GRIK1: variants seen among roughly 807,000 people sequenced by gnomAD.
The protein encoded by GRIK1 is glutamate receptor ionotropic, kainate 1.
Under a neutral mutation model 105.7 loss-of-function variants are expected in GRIK1, and 69 were observed. That is an observed-to-expected ratio of 0.65 (90% CI 0.54 to 0.80). GRIK1 has a LOEUF of 0.80. Among genes scored for constraint, GRIK1 ranks in the 30% least tolerant of loss-of-function variants. The probability of loss-of-function intolerance (pLI) is 0.00; values close to 1 mark genes in which losing one functional copy is unlikely to be tolerated. For synonymous variants in GRIK1, 438 were observed against 431.3 expected (o/e 1.02, Z -0.19); for missense variants, 1,109 against 1,167.3 (o/e 0.95, Z 0.73).
chr21:29,568,066 A>G (rs1290092727), intron 14 of GRIK1, among the ~76,000 whole-genome samples: 1 of 152,200 alleles, frequency 6.6e-6, no homozygotes, highest in African/African-American at 2.4e-5. Flanking sequence ...CAGATTTGCT[A>G]AAATATTTTT....
intron 1 of GRIK1, among the ~76,000 whole-genome samples, chr21:29,929,116 G>A (rs1215616687): frequency 6.6e-6 from 1 of 152,032 alleles, no homozygotes. Context: ...ACTGCAGAGG[G>A]GATTACAGAT....
intron 4 of GRIK1, among the ~76,000 whole-genome samples, chr21:29,657,031 G>A (rs2062867879): frequency 6.6e-6 from 1 of 152,160 alleles, no homozygotes; most frequent in South Asian, 2.1e-4. Context: ...GGCCATGCAT[G>A]GTGAGGTCTT....
intron 1 of GRIK1, among the ~76,000 whole-genome samples, chr21:29,814,479 C>A (rs1294109759): frequency 6.6e-6 from 1 of 152,048 alleles, no homozygotes; most frequent in East Asian, 1.9e-4. Flanking sequence ...ACAGAGGCAG[C>A]TGCACCATTT....
chr21:29,706,298 A>G (rs1368992062), intron 1 of GRIK1, among the ~76,000 whole-genome samples: 3 of 152,244 alleles, frequency 2.0e-5, no homozygotes, highest in African/African-American at 7.2e-5. Context: ...TGATTTAAAT[A>G]ATTGTACAAA....
chr21:29,684,602 G>C (rs1372796041), intron 3 of GRIK1, among the ~76,000 whole-genome samples: 1 of 152,018 alleles, frequency 6.6e-6, no homozygotes, highest in Non-Finnish European at 1.5e-5. Context: ...CCGCCTCCTG[G>C]GTTCATGCCA....
chr21:29,543,003 A>G (rs375883156), intron 16 of GRIK1, among the ~76,000 whole-genome samples: 1 of 152,226 alleles, frequency 6.6e-6, no homozygotes, highest in East Asian at 1.9e-4. Context: ...GACCTACCAT[A>G]AGTTGAAAGC....
chr21:29,813,541 C>T (rs1264796398), intron 1 of GRIK1, among the ~76,000 whole-genome samples: 1 of 152,022 alleles, frequency 6.6e-6, no homozygotes, highest in Non-Finnish European at 1.5e-5. Flanking sequence ...CAATATAGAA[C>T]ATTAAATTTC....
At chr21:29,560,523 T>TTC (rs2090437610) in intron 15 of GRIK1, among the ~76,000 whole-genome samples, 6 of 72,478 alleles carry the variant, frequency 8.3e-5, no homozygotes, top group South Asian at 4.7e-4. Flanking sequence ...TTCCTTCCTT[T>TTC]CTTTCTTTCT....
chr21:29,735,038 C>T (rs1211916391), intron 1 of GRIK1, among the ~76,000 whole-genome samples: 2 of 152,152 alleles, frequency 1.3e-5, no homozygotes, highest in African/African-American at 4.8e-5. Flanking sequence ...CTCTAGACTG[C>T]CTGTTTTCTT....
At chr21:29,571,978 C>T (rs1421321306) in intron 14 of GRIK1, among the ~76,000 whole-genome samples, 2 of 152,092 alleles carry the variant, frequency 1.3e-5, no homozygotes, top group Non-Finnish European at 2.9e-5. Flanking sequence ...AGGTAGTTTC[C>T]TTATTCATTC....
In GRIK1 at chr21:29,591,208, G is replaced by A. The variant is rs1284663444; in HGVS notation, c.1269C>T (p.Ser423=). The A allele has an allele frequency of 3.1e-6, 5 of 1,600,854 alleles. No homozygotes were observed. The highest frequency in any genetic ancestry group is 4.3e-6 in the Non-Finnish European group (5 of 1,169,380). Residue 423 remains serine, a synonymous_variant, in exon 10 of 18, where the codon TCC becomes TCT. Transcript: ENST00000327783. ...TGTCCGTCATGTTAAGCCCACTGTT[G>A]GAATTCCAAATCCCAATCTACACAG... ...KVWKKIGIWN[S]NSGLNMTDSN... is the part of the protein sequence containing the mutation.
At chr21:29,668,870 G>A (rs903421253) in intron 4 of GRIK1, among the ~76,000 whole-genome samples, 2 of 152,342 alleles carry the variant, frequency 1.3e-5, no homozygotes, top group Non-Finnish European at 1.5e-5. Context: ...TTGGGGAAAT[G>A]AGAGTGAGGA....
intron 15 of GRIK1, among the ~76,000 whole-genome samples, chr21:29,556,131 C>T (rs1430948632): frequency 6.6e-6 from 1 of 152,142 alleles, no homozygotes; most frequent in Non-Finnish European, 1.5e-5. Context: ...ACGTATAGAA[C>T]CTAATTATAA....
At position 29,598,876 on chromosome 21, in the gene GRIK1, T is replaced by A; in HGVS notation, c.1160A>T (p.Asp387Val). The change falls in exon 8 of 18, where the codon GAT becomes GTT. Residue 387 changes from aspartate (D) to valine (V), a missense_variant. By Grantham distance (152) the Asp-to-Val change is radical (BLOSUM62 -3). Around this residue, in one of 5 missense-constraint regions of GRIK1, gnomAD observed 612 missense variants for 586.0 expected, o/e 1.04. Transcript: ENST00000327783. ...TFNKTNGLRKDFDLDIISLKE... is the reference protein window; with the variant it reads ...TFNKTNGLRKVFDLDIISLKE... ...GAGACTAATAATGTCCAGATCAAAATCCTTCCTCAAGCCATTGGTTTTATT... is the reference window on the plus strand; with the variant it reads ...GAGACTAATAATGTCCAGATCAAAAACCTTCCTCAAGCCATTGGTTTTATT... 2 of 1,597,392 alleles carry A rather than the reference T, an allele frequency of 1.3e-6. No homozygotes were observed. Among genetic ancestry groups the A allele is most frequent in the Non-Finnish European group, 1.7e-6 (2 of 1,167,140 alleles).
At chr21:29,582,339 C>A (rs1433275548) in intron 12 of GRIK1, 1 of 470,678 alleles carries the variant, frequency 2.1e-6, no homozygotes, top group East Asian at 6.9e-5. Context: ...ACTTAATCAG[C>A]AACCCTGGTT....
rs2066342724 is a variant in GRIK1, at chr21:29,789,132, TC to T, written c.119-95070del. On this transcript the variant is annotated intron_variant, in intron 1 of 17. Coordinates refer to ENST00000327783, the MANE Select transcript of GRIK1 (RefSeq NM_001330994.2). ...TTAATATCAGCAATGATGAAAGAAA[TC>T]CCTGTACTCTTTGTCTTATTAGAAA... is the stretch of plus-strand genomic sequence containing the variant. Among the ~76,000 whole-genome samples the T allele has an allele frequency of 6.6e-5, 10 of 152,278 alleles. No homozygotes were observed. The South Asian group carries it at 2.1e-3, about 32-fold the overall frequency.
chr21:29,761,147 G>A (rs1192146435), intron 1 of GRIK1: 5 of 152,144 alleles, frequency 3.3e-5, no homozygotes, highest in Non-Finnish European at 5.9e-5. Flanking sequence ...TCATTTCTCC[G>A]ATAAGCACTT....
chr21:29,688,903 C>T (rs1404515571), intron 3 of GRIK1, among the ~76,000 whole-genome samples: 2 of 152,068 alleles, frequency 1.3e-5, no homozygotes. Context: ...ATGATAGATT[C>T]TTCATCATAA....
intron 1 of GRIK1, among the ~76,000 whole-genome samples, chr21:29,844,853 G>T (rs535734564): frequency 6.6e-5 from 10 of 151,828 alleles, no homozygotes; most frequent in African/African-American, 1.9e-4. Flanking sequence ...TTTTCTTCTG[G>T]ATATTCTTAT....
Sources: gnomAD v4.1 joint callset for allele counts (sites outside exome capture counted in the v4.1 genomes callset) on GRCh38, gnomAD v4.1.1 for gene constraint, gnomAD v4.1.1 regional missense constraint, MANE v1.5 for transcripts, NCBI Gene and HGNC (gene_info 2026-07-23, HGNC 2026-07-21) for gene names.